FAM117B: variants seen among roughly 807,000 people sequenced by gnomAD.
FAM117B encodes the protein protein FAM117B.
Under a neutral mutation model 52.8 loss-of-function variants are expected in FAM117B, and 22 were observed. The ratio of observed to expected loss-of-function variants is 0.42; its 90% CI spans 0.30 to 0.59. The LOEUF is 0.59. FAM117B is among the 20% of genes least tolerant of loss of function. The pLI, the probability that FAM117B is intolerant of heterozygous loss-of-function variation, is 0.22. For synonymous variants in FAM117B, 309 were observed against 324.1 expected, an observed-to-expected ratio of 0.95 and a Z score of 0.50; for missense variants, 678 against 802.6, an observed-to-expected ratio of 0.84 and a Z score of 1.88.
chr2:202,652,398 C>T (rs988860868), intron 1 of FAM117B, among the ~76,000 whole-genome samples: 6 of 152,162 alleles, frequency 3.9e-5, no homozygotes, highest in African/African-American at 1.4e-4. Flanking sequence ...CCTGCCTGGC[C>T]TGTTTATGTT....
Position 202,679,586 on chromosome 2 carries a change from T to C in FAM117B, c.602-16295T>C, listed in dbSNP as rs369012105. On this transcript the variant is annotated intron_variant, in intron 1 of 7. Coordinates refer to ENST00000392238, the MANE Select transcript of FAM117B (RefSeq NM_173511.4). ...GCACTTACCAGAGTGCTAAGTTGTT[T>C]TTGATCACCCAGTATGTTCAGTGGA... Among the ~76,000 whole-genome samples, 52 of 152,336 alleles carry C rather than the reference T, an allele frequency of 3.4e-4. 1 individual carries two copies. The East Asian group carries it at 4.4e-3, about 13-fold the overall frequency.
intron 4 of FAM117B, among the ~76,000 whole-genome samples, chr2:202,733,843 G>C (rs1352675380): frequency 6.7e-6 from 1 of 149,240 alleles, no homozygotes; most frequent in Non-Finnish European, 1.5e-5. Flanking sequence ...TACATTCTCA[G>C]CTTACAAAGA....
rs1351370546 is a variant in FAM117B, at chr2:202,755,643, ATAAT to A, written c.1070_1073del (p.Ile357LysfsTer145). 1.9e-6 allele frequency: 3 copies of A among 1,613,980 alleles called. No homozygotes were observed. Among genetic ancestry groups the A allele is most frequent in the Non-Finnish European group, 8.5e-7 (1 of 1,179,928 alleles). The stretch of plus-strand genomic sequence containing the variant: ...AGGATTGAATCAGGAGATTGAAATA[ATAAT>A]TAAAGAGACTGGGGAAAAGGAAGAG... On this transcript the variant is annotated frameshift_variant, in exon 5 of 8. Transcript: ENST00000392238. LOFTEE classifies it high-confidence loss of function.
At chr2:202,753,488 T>C (rs202029607) in intron 4 of FAM117B, among the ~76,000 whole-genome samples, 1 of 151,878 alleles carries the variant, frequency 6.6e-6, no homozygotes, top group Non-Finnish European at 1.5e-5. Flanking sequence ...CAAAAGCAAT[T>C]GCAACAAAAG....
chr2:202,707,772 A>ATT (rs201311225), intron 2 of FAM117B, among the ~76,000 whole-genome samples: 16 of 143,342 alleles, frequency 1.1e-4, no homozygotes, highest in Admixed American at 2.1e-4. Flanking sequence ...GTGTAACTTA[A>ATT]TTTTTTTTTT....
chr2:202,673,221 T>G (rs1690324165), intron 1 of FAM117B, among the ~76,000 whole-genome samples: 1 of 152,168 alleles, frequency 6.6e-6, no homozygotes, highest in Non-Finnish European at 1.5e-5. Flanking sequence ...AAAGAAAGAC[T>G]ACAACGGGAG....
intron 1 of FAM117B, among the ~76,000 whole-genome samples, chr2:202,687,180 G>GTT (rs1189505563): frequency 2.0e-5 from 3 of 152,174 alleles, no homozygotes; most frequent in Non-Finnish European, 4.4e-5. Flanking sequence ...CCGAGTGAAT[G>GTT]AAGTCAGACA....
intron 2 of FAM117B, among the ~76,000 whole-genome samples, chr2:202,722,566 C>T (rs1203071917): frequency 6.6e-6 from 1 of 152,094 alleles, no homozygotes; most frequent in Non-Finnish European, 1.5e-5. Flanking sequence ...CAAACTAACA[C>T]AGGAACAGAA....
rs915567799 is a variant in FAM117B, at chr2:202,766,042, T to C, written c.*278T>C. 12 of 405,382 alleles carry C rather than the reference T, an allele frequency of 3.0e-5. No individual in the cohort carries two copies. In the South Asian group the frequency reaches 3.8e-4, roughly 13 times the overall value. The allele number at this position is 405,382 out of a possible 1,614,324, so 25.1% of individuals were successfully genotyped here. A position where few individuals can be genotyped will look rare whatever the true frequency, so the allele number is the denominator to read the frequency against. On this transcript the variant is annotated 3_prime_UTR_variant, in exon 8 of 8. Transcript: ENST00000392238. ...GAGAGACAATATCACGTTTTTGTTT[T>C]CGAATTAGACTTCTTTAAAACACAC...
intron 2 of FAM117B, among the ~76,000 whole-genome samples, chr2:202,712,445 CGT>C (rs1690973503): frequency 1.2e-5 from 1 of 82,842 alleles, no homozygotes; most frequent in African/African-American, 5.9e-5. Flanking sequence ...TTTTTTTGTG[CGT>C]GTGGAGGCTT....
chr2:202,649,497 C>A (rs928069677), intron 1 of FAM117B, among the ~76,000 whole-genome samples: 1 of 152,138 alleles, frequency 6.6e-6, no homozygotes, highest in Non-Finnish European at 1.5e-5. Context: ...TGTTATTCAT[C>A]AAATATTTTC....
intron 1 of FAM117B, among the ~76,000 whole-genome samples, chr2:202,686,569 T>G (rs917459312): frequency 6.6e-6 from 1 of 152,180 alleles, no homozygotes; most frequent in Non-Finnish European, 1.5e-5. Flanking sequence ...CCCAGCACTT[T>G]GAGAAGCCGA....
At position 202,769,249 on chromosome 2, in the gene FAM117B, T is replaced by G. The variant is rs1225219258; in HGVS notation, c.*3485T>G. ...TAAAAAAAGTCAGAATTTATAGCTT[T>G]CACTATGTCCAAGACTAGGACTGGG... On this transcript the variant is annotated 3_prime_UTR_variant, in exon 8 of 8. Coordinates refer to ENST00000392238, the MANE Select transcript of FAM117B (RefSeq NM_173511.4). 9 of 152,472 alleles carry G rather than the reference T, an allele frequency of 5.9e-5. No individual in the cohort carries two copies. Among genetic ancestry groups the G allele is most frequent in the Non-Finnish European group, 1.3e-4 (9 of 68,028 alleles). 9.4% of individuals were successfully genotyped at this position (152,472 alleles called of 1,614,324 possible). A position where few individuals can be genotyped will look rare whatever the true frequency, so the allele number is the denominator to read the frequency against.
chr2:202,748,374 A>G (rs1476238378), intron 4 of FAM117B, among the ~76,000 whole-genome samples: 1 of 152,210 alleles, frequency 6.6e-6, no homozygotes, highest in African/African-American at 2.4e-5. Flanking sequence ...GGTCTAGGCA[A>G]AGATTTTATG....
At chr2:202,655,051 G>T (rs1690031381) in intron 1 of FAM117B, among the ~76,000 whole-genome samples, 1 of 151,332 alleles carries the variant, frequency 6.6e-6, no homozygotes, top group Non-Finnish European at 1.5e-5. Context: ...TGCTTTTTCT[G>T]GAGTAGATTT....
chr2:202,707,017 G>C (rs531564251), intron 2 of FAM117B, among the ~76,000 whole-genome samples: 23 of 152,176 alleles, frequency 1.5e-4, no homozygotes, highest in African/African-American at 5.5e-4. Flanking sequence ...CTCTAGGCCA[G>C]TGACACCATA....
chr2:202,635,846 G>A, intron 1 of FAM117B, 58 bp downstream of exon 1: 2 of 1,348,648 alleles, frequency 1.5e-6, no homozygotes, highest in Non-Finnish European at 1.9e-6. Flanking sequence ...GGTCCCGGGC[G>A]CGCGCTGCAA....
At chr2:202,738,480 TTAAA>T (rs974729590) in intron 4 of FAM117B, among the ~76,000 whole-genome samples, 3 of 152,186 alleles carry the variant, frequency 2.0e-5, no homozygotes, top group East Asian at 1.9e-4. Context: ...TCAGACTATC[TTAAA>T]TAAATATATT....
At chr2:202,684,991 T>A (rs182860279) in intron 1 of FAM117B, among the ~76,000 whole-genome samples, 2,250 of 138,870 alleles carry the variant, frequency 0.016, 58 homozygotes, top group African/African-American at 0.061. Flanking sequence ...TCAAAAAAAA[T>A]TTTTTTTTTT....
Sources: allele counts gnomAD v4.1 joint callset (sites outside exome capture counted in the v4.1 genomes callset), GRCh38; gene constraint gnomAD v4.1.1; transcripts MANE v1.5; gene names NCBI Gene and HGNC (gene_info 2026-07-23, HGNC 2026-07-21).